GRIK3: variants seen among roughly 807,000 people sequenced by gnomAD.
The protein encoded by GRIK3 is glutamate receptor ionotropic, kainate 3.
In GRIK3, 29 loss-of-function variants were observed where a neutral mutation model predicts 102.5. That is an observed-to-expected ratio of 0.28 (90% confidence interval 0.21 to 0.39). The LOEUF is 0.39. Among genes scored for constraint, GRIK3 ranks in the 10% least tolerant of loss-of-function variants. The pLI, the probability that GRIK3 is intolerant of heterozygous loss-of-function variation, is 1.00. For synonymous variants in GRIK3, 511 were observed against 504.9 expected (o/e 1.01, Z -0.16); for missense variants, 908 against 1,252.4 (o/e 0.73, Z 4.15).
At chr1:37,007,288 AC>A (rs1432284692) in intron 1 of GRIK3, among the ~76,000 whole-genome samples, 1 of 152,188 alleles carries the variant, frequency 6.6e-6, no homozygotes, top group Non-Finnish European at 1.5e-5. Context: ...AAAGTAACTT[AC>A]CCAAGGTCAG....
chr1:36,998,633 C>T (rs187219629), intron 1 of GRIK3, among the ~76,000 whole-genome samples: 68 of 152,314 alleles, frequency 4.5e-4, no homozygotes, highest in African/African-American at 1.5e-3. Flanking sequence ...CCTGAGCCTC[C>T]CGATGGGTTT....
intron 1 of GRIK3, among the ~76,000 whole-genome samples, chr1:36,986,195 A>G (rs1264787604): frequency 2.0e-5 from 3 of 152,192 alleles, no homozygotes; most frequent in African/African-American, 4.8e-5. Flanking sequence ...GAAGACAGCC[A>G]CTGTAGAAAG....
At chr1:36,948,630 T>C (rs1049391992) in intron 1 of GRIK3, among the ~76,000 whole-genome samples, 1 of 152,146 alleles carries the variant, frequency 6.6e-6, no homozygotes, top group African/African-American at 2.4e-5. Flanking sequence ...TAACTACTTA[T>C]TCTGGCAAAT....
chr1:37,013,098 G>C lies in GRIK3; in HGVS notation c.115+20896C>G, dbSNP rs567061186. Among the ~76,000 whole-genome samples, 10 of 152,282 alleles carry C rather than the reference G, an allele frequency of 6.6e-5. 1 individual carries two copies. The East Asian group carries it at 1.9e-3, about 29-fold the overall frequency. On this transcript the variant is annotated intron_variant, in intron 1 of 15. Transcript: ENST00000373091. ...TCACAATCATGGCAGAAGGTAAAAG[G>C]CACGTCTTACATGGTGACAGGCAAG...
intron 5 of GRIK3, among the ~76,000 whole-genome samples, chr1:36,861,749 T>A (rs1372792634): frequency 3.3e-5 from 5 of 151,664 alleles, no homozygotes; most frequent in Admixed American, 6.6e-5. Flanking sequence ...AGGGAAGGGG[T>A]TTGGAGCAGA....
At chr1:36,802,387 C>A (rs1642452218) in intron 15 of GRIK3, among the ~76,000 whole-genome samples, 1 of 152,126 alleles carries the variant, frequency 6.6e-6, no homozygotes, top group Admixed American at 6.5e-5. Context: ...AGGGCAGGAA[C>A]CAGCCAGTTT....
At chr1:36,915,599 G>A (rs1641390296) in intron 1 of GRIK3, among the ~76,000 whole-genome samples, 1 of 152,150 alleles carries the variant, frequency 6.6e-6, no homozygotes, top group South Asian at 2.1e-4. Flanking sequence ...GAGGGACCTG[G>A]TGGGAGGTAA....
chr1:37,000,232 G>A (rs193095780), intron 1 of GRIK3, among the ~76,000 whole-genome samples: 10 of 152,300 alleles, frequency 6.6e-5, no homozygotes, highest in South Asian at 2.1e-4. Context: ...GCCCTCCTAC[G>A]GTTAAGGTTG....
chr1:36,965,908 C>T (rs1426399104), intron 1 of GRIK3, among the ~76,000 whole-genome samples: 1 of 152,226 alleles, frequency 6.6e-6, no homozygotes, highest in Non-Finnish European at 1.5e-5. Context: ...CGGGGGCTCC[C>T]ATGCTCCCGC....
intron 1 of GRIK3, among the ~76,000 whole-genome samples, chr1:37,008,427 G>A (rs1045704998): frequency 4.6e-5 from 7 of 152,226 alleles, no homozygotes; most frequent in African/African-American, 1.7e-4. Flanking sequence ...GCGAACAAAC[G>A]CCATGTGGGC....
chr1:36,861,371 C>T (rs1640723445), intron 5 of GRIK3, among the ~76,000 whole-genome samples: 1 of 152,196 alleles, frequency 6.6e-6, no homozygotes, highest in African/African-American at 2.4e-5. Context: ...CCACACTCTC[C>T]CCTCACTAAG....
intron 7 of GRIK3, among the ~76,000 whole-genome samples, chr1:36,858,730 G>T (rs185109594): frequency 1.3e-5 from 2 of 152,282 alleles, no homozygotes; most frequent in Admixed American, 1.3e-4. Context: ...CACGAGGTAG[G>T]TTATGCTTCA....
intron 2 of GRIK3, among the ~76,000 whole-genome samples, chr1:36,885,724 A>ACAGCAG (rs566192885): frequency 6.6e-6 from 1 of 152,068 alleles, no homozygotes; most frequent in East Asian, 1.9e-4. Flanking sequence ...GGCAGGGCTT[A>ACAGCAG]CAGCAGCAGC....
At chr1:36,903,048 C>T (rs1641248381) in intron 1 of GRIK3, among the ~76,000 whole-genome samples, 1 of 152,122 alleles carries the variant, frequency 6.6e-6, no homozygotes, top group African/African-American at 2.4e-5. Flanking sequence ...CCTCGGCCTC[C>T]CAAAGTGCTG....
chr1:37,026,868 T>C (rs555460881), intron 1 of GRIK3, among the ~76,000 whole-genome samples: 19 of 151,828 alleles, frequency 1.3e-4, no homozygotes, highest in African/African-American at 4.6e-4. Flanking sequence ...ACATGACATG[T>C]GAGACACGAG....
At chr1:36,874,327 C>T (rs1446935852) in intron 3 of GRIK3, among the ~76,000 whole-genome samples, 2 of 152,168 alleles carry the variant, frequency 1.3e-5, no homozygotes, top group East Asian at 1.9e-4. Flanking sequence ...CATGTATGCT[C>T]GTAGCCTAAG....
At chr1:36,963,060 G>A (rs1642032774) in intron 1 of GRIK3, among the ~76,000 whole-genome samples, 2 of 152,268 alleles carry the variant, frequency 1.3e-5, no homozygotes, top group South Asian at 4.2e-4. Flanking sequence ...GAACTTGGAA[G>A]GGGGAGGAGA....
intron 1 of GRIK3, among the ~76,000 whole-genome samples, chr1:36,945,102 G>A (rs1232968556): frequency 2.0e-5 from 3 of 152,238 alleles, no homozygotes; most frequent in Admixed American, 1.3e-4. Context: ...GGCCCACAGT[G>A]GCCAATGATC....
Position 37,034,029 on chromosome 1 carries a change from G to T in GRIK3, c.80C>A (p.Pro27Gln). The change falls in exon 1 of 16, where the codon CCG becomes CAG. Residue 27 changes from proline (P) to glutamine (Q), a missense_variant. Around this residue, in one of 3 missense-constraint regions of GRIK3, gnomAD observed 585 missense variants for 824.9 expected, o/e 0.71. Transcript: ENST00000373091. ...GACGTGGGGCATCCCGCGCGAGTCCGGGATCCAGAAGGCGCACACGAGGAG... is the reference window on the plus strand; with the variant it reads ...GACGTGGGGCATCCCGCGCGAGTCCTGGATCCAGAAGGCGCACACGAGGAG... ...AGLLVCAFWI[P>Q]DSRGMPHVIR... The T allele has an allele frequency of 6.2e-7, 1 of 1,605,556 alleles. No homozygotes were observed. Among genetic ancestry groups the T allele is most frequent in the Non-Finnish European group, 8.5e-7 (1 of 1,176,610 alleles).
Sources: allele counts gnomAD v4.1 joint callset (sites outside exome capture counted in the v4.1 genomes callset), GRCh38; gene constraint gnomAD v4.1.1; regional missense constraint gnomAD v4.1.1; transcripts MANE v1.5; gene names NCBI Gene and HGNC (gene_info 2026-07-23, HGNC 2026-07-21).